KLHL13: variants seen among roughly 807,000 people sequenced by gnomAD.
KLHL13 encodes the protein kelch-like protein 13.
Under a neutral mutation model 37.1 loss-of-function variants are expected in KLHL13, and 10 were observed. That is an observed-to-expected ratio of 0.27 (90% CI 0.17 to 0.46). KLHL13 has a LOEUF of 0.46. Among genes scored for constraint, KLHL13 ranks in the 20% least tolerant of loss-of-function variants. The pLI, the probability that KLHL13 is intolerant of heterozygous loss-of-function variation, is 1.00. For synonymous variants in KLHL13, 163 were observed against 181.2 expected (o/e 0.90, Z 0.81); for missense variants, 360 against 509.3 (o/e 0.71, Z 2.82).
intron 1 of KLHL13, among the ~76,000 whole-genome samples, chrX:118,089,552 G>A (rs1295783168): frequency 1.0e-5 from 1 of 97,314 alleles, no homozygotes; most frequent in Non-Finnish European, 2.0e-5. Context: ...TCATTCATAG[G>A]GCAAGATTTT....
intron 1 of KLHL13, among the ~76,000 whole-genome samples, chrX:118,061,902 C>T (rs911310352): frequency 1.8e-5 from 2 of 111,630 alleles, no homozygotes; most frequent in Admixed American, 1.9e-4. Flanking sequence ...TTCTGTAACA[C>T]TAAGAAACAT....
chrX:117,919,004 T>C (rs1176070071), intron 4 of KLHL13, among the ~76,000 whole-genome samples: 1 of 111,790 alleles, frequency 8.9e-6, no homozygotes, highest in Non-Finnish European at 1.9e-5. Flanking sequence ...TAGTATCTCA[T>C]GTCATTTGAT....
chrX:118,090,005 G>A (rs763415176), intron 1 of KLHL13, among the ~76,000 whole-genome samples: 8 of 106,229 alleles, frequency 7.5e-5, no homozygotes, highest in South Asian at 4.4e-4. Flanking sequence ...CGCTTGAACC[G>A]GGGAGGCAGA....
chrX:117,898,721 T>A, exon 7 of KLHL13: 1 of 446,782 alleles, frequency 2.2e-6, no homozygotes. Context: ...AATGGTTGTG[T>A]TACCACTTTA....
chrX:117,971,734 T>C (rs374069326), intron 1 of KLHL13, among the ~76,000 whole-genome samples: 1 of 111,412 alleles, frequency 9.0e-6, no homozygotes, highest in East Asian at 2.8e-4. Context: ...TGTGCATCTC[T>C]ACCTCACATA....
rs1176104157 is a variant in KLHL13, at chrX:118,028,500, G to T, written c.-55-82925C>A. 5.1e-6 allele frequency: 5 copies of T among 973,290 alleles called. No individual in the cohort carries two copies. The South Asian group carries it at 6.6e-5, about 13-fold the overall frequency. The allele number at this position is 973,290 out of a possible 1,213,427, so 80.2% of individuals were successfully genotyped here. On this transcript the variant is annotated intron_variant, in intron 1 of 6. Coordinates refer to the KLHL13 transcript ENST00000371882. ...ACCTCTAAAAGTTGGATAATGACCT[G>T]TTCAGGAGGAAAAGAAGCCAATATT... is the stretch of plus-strand genomic sequence containing the variant.
chrX:117,918,734 T>C (rs917803534), intron 4 of KLHL13, among the ~76,000 whole-genome samples: 5 of 111,852 alleles, frequency 4.5e-5, no homozygotes, highest in African/African-American at 1.6e-4. Flanking sequence ...AAAAAATGGC[T>C]AAACACTATT....
intron 1 of KLHL13, among the ~76,000 whole-genome samples, chrX:118,094,197 G>A (rs919611436): frequency 1.8e-5 from 2 of 110,898 alleles, no homozygotes; most frequent in African/African-American, 6.6e-5. Context: ...GTCCTTAAAG[G>A]ACCTGATGGA....
At chrX:118,104,091 G>A (rs1233737401) in intron 1 of KLHL13, among the ~76,000 whole-genome samples, 1 of 103,207 alleles carries the variant, frequency 9.7e-6, no homozygotes, top group Non-Finnish European at 2.0e-5. Context: ...GCATGGTGAT[G>A]TGCGCCTGTG....
chrX:118,057,207 C>T (rs756723058), intron 1 of KLHL13, among the ~76,000 whole-genome samples: 2 of 111,991 alleles, frequency 1.8e-5, no homozygotes, highest in Admixed American at 9.5e-5. Flanking sequence ...CTATGGTTAA[C>T]TATTTTCCAT....
At chrX:117,982,156 T>C (rs948668957) in intron 1 of KLHL13, among the ~76,000 whole-genome samples, 12 of 109,655 alleles carry the variant, frequency 1.1e-4, no homozygotes, top group Non-Finnish European at 1.1e-4. Flanking sequence ...AGACTAGATA[T>C]ACACATAGGA....
At chrX:118,108,859 A>G (rs1426609029) in intron 1 of KLHL13, among the ~76,000 whole-genome samples, 6 of 111,151 alleles carry the variant, frequency 5.4e-5, no homozygotes, top group Admixed American at 3.8e-4. Flanking sequence ...CAGACTGAAG[A>G]GCAGTGGTGT....
At chrX:118,107,541 T>G (rs2055358871) in intron 1 of KLHL13, among the ~76,000 whole-genome samples, 1 of 112,081 alleles carries the variant, frequency 8.9e-6, no homozygotes, top group Non-Finnish European at 1.9e-5. Context: ...AAAATAATAA[T>G]AAGTATAGTT....
rs758353561 is a variant in KLHL13 at position 118,012,278 on chromosome X, G to A, written c.-55-66703C>T. Reference sequence around the variant, plus strand: ...TCCACTGTGACAAATGATCACAAATGGTGGCTTTAAACAACCCTAGTTGAT... The same window carrying A: ...TCCACTGTGACAAATGATCACAAATAGTGGCTTTAAACAACCCTAGTTGAT... On this transcript the variant is annotated intron_variant, in intron 1 of 6. Coordinates refer to the KLHL13 transcript ENST00000371882. Among the ~76,000 whole-genome samples the A allele has an allele frequency of 1.8e-3, 203 of 112,139 alleles. 1 individual carries two copies. The highest frequency in any genetic ancestry group is 6.4e-3 in the African/African-American group (197 of 30,912).
intron 5 of KLHL13, among the ~76,000 whole-genome samples, chrX:117,906,159 G>A (rs993638761): frequency 1.1e-4 from 12 of 111,452 alleles, no homozygotes; most frequent in Admixed American, 1.9e-4. Context: ...TAATGTGTGC[G>A]TTGAAGGAGG....
intron 1 of KLHL13, among the ~76,000 whole-genome samples, chrX:118,094,571 T>C (rs1053299156): frequency 9.3e-6 from 1 of 107,820 alleles, no homozygotes; most frequent in African/African-American, 3.4e-5. Context: ...GAAGAGCAAC[T>C]CCAAGACACA....
At chrX:117,991,894 T>G (rs1273009516) in intron 1 of KLHL13, among the ~76,000 whole-genome samples, 16 of 87,544 alleles carry the variant, frequency 1.8e-4, no homozygotes, top group Non-Finnish European at 3.5e-4. Context: ...TCTCTCTCTC[T>G]GTAACCCTCA....
chrX:118,096,248 T>C (rs756073217), intron 1 of KLHL13, among the ~76,000 whole-genome samples: 1 of 111,244 alleles, frequency 9.0e-6, no homozygotes, highest in East Asian at 2.8e-4. Context: ...AAAGGGGGTA[T>C]CACCACCGAT....
chrX:118,101,571 A>C (rs2055289234), intron 1 of KLHL13, among the ~76,000 whole-genome samples: 1 of 111,805 alleles, frequency 8.9e-6, no homozygotes, highest in Non-Finnish European at 1.9e-5. Flanking sequence ...AAGAGGTGCT[A>C]TCTAAACTGA....
Sources: gnomAD v4.1 joint callset for allele counts (sites outside exome capture counted in the v4.1 genomes callset) on GRCh38, gnomAD v4.1.1 for gene constraint, MANE v1.5 for transcripts, NCBI Gene and HGNC (gene_info 2026-07-23, HGNC 2026-07-21) for gene names.